ASTN1: variants seen among roughly 807,000 people sequenced by gnomAD.
The protein encoded by ASTN1 is astrotactin 1.
ASTN1 carries 41 observed loss-of-function variants against 140.7 expected under a neutral mutation model. That is an observed-to-expected ratio of 0.29 (90% CI 0.23 to 0.38). The LOEUF (loss-of-function observed/expected upper bound fraction) is 0.38. Among genes scored for constraint, ASTN1 ranks in the 10% least tolerant of loss-of-function variants. ASTN1 has a pLI of 1.00. For missense variants in ASTN1, 1,479 were observed against 1,678.8 expected (o/e 0.88, Z 2.08); for synonymous variants, 640 against 652.2 (o/e 0.98, Z 0.29).
At chr1:176,890,156 AC>A (rs1669200765) in intron 17 of ASTN1, among the ~76,000 whole-genome samples, 1 of 152,202 alleles carries the variant, frequency 6.6e-6, no homozygotes. Context: ...AAGTCAGATG[AC>A]AAACAAACTA....
At position 177,030,937 on chromosome 1, in the gene ASTN1, T is replaced by C. The variant is rs1435112889; in HGVS notation, c.881A>G (p.Lys294Arg). 1 of 1,613,328 alleles carries C rather than the reference T, an allele frequency of 6.2e-7. No homozygotes were observed. The highest frequency in any genetic ancestry group is 1.7e-5 in the Admixed American group (1 of 60,002). The change falls in exon 4 of 23, where the codon AAG becomes AGG. Residue 294 changes from lysine to arginine, a missense_variant. Around this residue, in one of 3 missense-constraint regions of ASTN1, gnomAD observed 729 missense variants for 860.4 expected, o/e 0.85. Coordinates refer to ENST00000361833, the MANE Select transcript of ASTN1 (RefSeq NM_004319.3). ...TTTATACTTGTTCATCAGTGACAGC[T>C]TGGCATTGTCACTTCCTGTATAAGG... ...MDLTPGSDNA[K>R]LSLMNKYKDN...
Position 176,876,607 on chromosome 1 carries a change from T to C in ASTN1, c.3393A>G (p.Gly1131=), listed in dbSNP as rs771698193. ...MFTLWGVDNT[G]RRSRPSDVIV... is the part of the protein sequence containing the mutation. ...TCACGTCGCTTGGCCTGGAGCGCCG[T>C]CCTGTGTTGTCCACTCCCCACAGCG... The change falls in exon 21 of 23, where the codon GGA becomes GGG. Residue 1131 remains glycine (G), a synonymous_variant. Coordinates refer to ENST00000361833, the MANE Select transcript of ASTN1 (RefSeq NM_004319.3). 1.2e-6 allele frequency: 2 copies of C among 1,614,102 alleles called. No homozygotes were observed. The highest frequency in any genetic ancestry group is 2.2e-5 in the East Asian group (1 of 44,860).
intron 2 of ASTN1, among the ~76,000 whole-genome samples, chr1:177,041,343 G>A (rs1269809681): frequency 1.3e-5 from 2 of 152,198 alleles, no homozygotes; most frequent in South Asian, 2.1e-4. Flanking sequence ...TAACCCATGT[G>A]TATGGATATC....
intron 1 of ASTN1, among the ~76,000 whole-genome samples, chr1:177,158,273 A>C (rs912661630): frequency 6.6e-6 from 1 of 152,240 alleles, no homozygotes; most frequent in East Asian, 1.9e-4. Flanking sequence ...AGTGTACATG[A>C]TTAAAAACAA....
intron 15 of ASTN1, among the ~76,000 whole-genome samples, chr1:176,935,830 A>T (rs1214626724): frequency 1.3e-5 from 2 of 150,962 alleles, no homozygotes; most frequent in African/African-American, 2.4e-5. Flanking sequence ...GCTGTTTAGG[A>T]GCGTTAAGCT....
At chr1:176,895,600 A>C (rs1207100795) in intron 16 of ASTN1, among the ~76,000 whole-genome samples, 1 of 152,188 alleles carries the variant, frequency 6.6e-6, no homozygotes, top group African/African-American at 2.4e-5. Flanking sequence ...AAAGATTTGC[A>C]CTCCAAAACT....
intron 1 of ASTN1, among the ~76,000 whole-genome samples, chr1:177,141,841 C>A (rs1342220954): frequency 6.6e-6 from 1 of 152,156 alleles, no homozygotes; most frequent in Non-Finnish European, 1.5e-5. Context: ...GGAAACGTCA[C>A]CTTGGAGCAA....
At chr1:177,019,996 T>A (rs1558035671) in intron 7 of ASTN1, among the ~76,000 whole-genome samples, 1 of 152,186 alleles carries the variant, frequency 6.6e-6, no homozygotes. Context: ...GCAATCCTTT[T>A]GCCTCAGCCT....
At chr1:176,979,116 G>T (rs991865274) in intron 8 of ASTN1, among the ~76,000 whole-genome samples, 1 of 152,150 alleles carries the variant, frequency 6.6e-6, no homozygotes, top group Non-Finnish European at 1.5e-5. Flanking sequence ...TGGTGAAGGG[G>T]AGCCTCTCTG....
chr1:177,055,629 G>A (rs571271621), intron 2 of ASTN1, among the ~76,000 whole-genome samples: 33 of 152,280 alleles, frequency 2.2e-4, no homozygotes, highest in African/African-American at 7.7e-4. Context: ...TGCAAGAAAA[G>A]TCTTCTTTGA....
intron 8 of ASTN1, among the ~76,000 whole-genome samples, chr1:176,977,247 T>G (rs1474029646): frequency 1.3e-5 from 2 of 152,240 alleles, no homozygotes; most frequent in Admixed American, 6.5e-5. Flanking sequence ...CTGTTTAAAT[T>G]CAACATATAT....
rs146361607 is a variant in ASTN1, at chr1:176,980,555, C to A, written c.1524-15318G>T. On this transcript the variant is annotated intron_variant, in intron 8 of 22. Transcript: ENST00000361833. ...GCTGAGGTTGGGCCAGGCAGGGTGG[C>A]AGAAAATAAAAGGGACAGGGATTTC... 4.0e-3 allele frequency among the ~76,000 whole-genome samples: 614 copies of A among 152,022 alleles called. 5 individuals carry two copies. Among genetic ancestry groups the A allele is most frequent in the Non-Finnish European group, 7.3e-3 (495 of 67,978 alleles).
chr1:177,120,684 C>A (rs1001941669), intron 1 of ASTN1, among the ~76,000 whole-genome samples: 4 of 152,172 alleles, frequency 2.6e-5, no homozygotes, highest in African/African-American at 9.6e-5. Flanking sequence ...CCCTTCCTAT[C>A]TCACTCAAAC....
rs1051134146 is a variant in ASTN1 at position 177,157,609 on chromosome 1, T to C, written c.283+6785A>G. Reference sequence around the variant, plus strand: ...GATTACAGGTGTGAGCCACCACACCTGGCCTAAAACTGTTCTTTAAAAATT... The same window carrying C: ...GATTACAGGTGTGAGCCACCACACCCGGCCTAAAACTGTTCTTTAAAAATT... On this transcript the variant is annotated intron_variant, in intron 1 of 22. Transcript: ENST00000361833. Among the ~76,000 whole-genome samples, 3 of 152,086 alleles carry C rather than the reference T, an allele frequency of 2.0e-5. No homozygotes were observed. In the East Asian group the frequency reaches 5.8e-4, roughly 29 times the overall value.
intron 16 of ASTN1, among the ~76,000 whole-genome samples, chr1:176,901,228 G>C (rs1037395244): frequency 6.6e-6 from 1 of 152,188 alleles, no homozygotes; most frequent in Non-Finnish European, 1.5e-5. Context: ...TTTGGGGAAA[G>C]ACTGCAAAAA....
At chr1:177,159,950 T>A (rs186108034) in intron 1 of ASTN1, among the ~76,000 whole-genome samples, 40 of 152,312 alleles carry the variant, frequency 2.6e-4, no homozygotes, top group Admixed American at 2.6e-3. Flanking sequence ...TAGCTAACTA[T>A]TTTTTGATAA....
intron 7 of ASTN1, among the ~76,000 whole-genome samples, chr1:177,022,677 C>T (rs1400696634): frequency 6.6e-6 from 1 of 152,172 alleles, no homozygotes; most frequent in Non-Finnish European, 1.5e-5. Flanking sequence ...AAGAAAATAA[C>T]TTCAAATGTG....
intron 16 of ASTN1, 64 bp from the exon 17 acceptor site, chr1:176,894,894 G>A (rs1193446909): frequency 1.7e-5 from 27 of 1,593,800 alleles, no homozygotes; most frequent in Admixed American, 3.3e-5. Flanking sequence ...TCATGACCTC[G>A]TGGCCCCTGA....
chr1:176,878,135 T>A (rs1459250270), intron 20 of ASTN1, among the ~76,000 whole-genome samples: 1 of 152,144 alleles, frequency 6.6e-6, no homozygotes, highest in Non-Finnish European at 1.5e-5. Flanking sequence ...ACCTGAACAC[T>A]GGTCTGCTGG....
Sources: allele counts gnomAD v4.1 joint callset (sites outside exome capture counted in the v4.1 genomes callset), GRCh38; gene constraint gnomAD v4.1.1; regional missense constraint gnomAD v4.1.1; transcripts MANE v1.5; gene names NCBI Gene and HGNC (gene_info 2026-07-23, HGNC 2026-07-21).